The following SLC24A3 variants were observed in gnomAD, a reference collection of about 807,000 sequenced individuals.
SLC24A3 encodes solute carrier family 24 member 3.
SLC24A3 carries 28 observed loss-of-function variants against 75.8 expected under a neutral mutation model. The observed-to-expected ratio is 0.37, with a 90% CI of 0.27 to 0.51. The LOEUF is 0.51. SLC24A3 is among the 20% of genes least tolerant of loss of function. The pLI is 0.94. For missense variants in SLC24A3, 663 were observed against 847.8 expected (o/e 0.78, Z 2.71); for synonymous variants, 372 against 334.1 (o/e 1.11, Z -1.24).
intron 3 of SLC24A3, among the ~76,000 whole-genome samples, chr20:19,577,093 C>T (rs1252181275): frequency 6.6e-6 from 1 of 151,088 alleles, no homozygotes; most frequent in Non-Finnish European, 1.5e-5. Context: ...CTCACTCTGT[C>T]GCCGAGGCTG....
chr20:19,597,602 T>C (rs78029934), intron 6 of SLC24A3, among the ~76,000 whole-genome samples: 4,472 of 152,246 alleles, frequency 0.029, 197 homozygotes, highest in African/African-American at 0.1. Flanking sequence ...CTAGCTACTT[T>C]GAAATATACA....
At chr20:19,638,827 G>A (rs549755238) in intron 6 of SLC24A3, among the ~76,000 whole-genome samples, 1 of 152,262 alleles carries the variant, frequency 6.6e-6, no homozygotes, top group South Asian at 2.1e-4. Flanking sequence ...AAGTTGGCAC[G>A]TCTGGAGTTG....
At chr20:19,350,731 C>T (rs1346418299) in intron 2 of SLC24A3, among the ~76,000 whole-genome samples, 1 of 152,098 alleles carries the variant, frequency 6.6e-6, no homozygotes, top group African/African-American at 2.4e-5. Context: ...TTCATTTGTC[C>T]TTTGTTAGGA....
At chr20:19,706,389 G>T (rs1345537923) in intron 15 of SLC24A3, among the ~76,000 whole-genome samples, 2 of 152,178 alleles carry the variant, frequency 1.3e-5, no homozygotes, top group Non-Finnish European at 2.9e-5. Context: ...CTATACAGAA[G>T]TTTAGGTAGT....
intron 2 of SLC24A3, among the ~76,000 whole-genome samples, chr20:19,355,581 A>G (rs1479481120): frequency 6.6e-6 from 1 of 152,162 alleles, no homozygotes; most frequent in East Asian, 1.9e-4. Context: ...GCCCTTCTGG[A>G]ATGTGCAGGG....
intron 1 of SLC24A3, among the ~76,000 whole-genome samples, chr20:19,227,008 G>C (rs1427580069): frequency 2.2e-4 from 33 of 152,282 alleles, no homozygotes; most frequent in African/African-American, 7.9e-4. Flanking sequence ...TGGTATTTCA[G>C]CATCAAAAGG....
intron 2 of SLC24A3, among the ~76,000 whole-genome samples, chr20:19,511,897 A>T (rs1323143710): frequency 1.3e-5 from 2 of 152,176 alleles, no homozygotes; most frequent in Admixed American, 1.3e-4. Context: ...GCTATTGGCC[A>T]TCAAATAAGA....
At chr20:19,432,770 T>G (rs1456118285) in intron 2 of SLC24A3, among the ~76,000 whole-genome samples, 1 of 152,212 alleles carries the variant, frequency 6.6e-6, no homozygotes, top group Non-Finnish European at 1.5e-5. Flanking sequence ...CAGAAGCATC[T>G]TAAAACACTG....
intron 3 of SLC24A3, among the ~76,000 whole-genome samples, chr20:19,529,631 C>T (rs1175635698): frequency 3.9e-5 from 6 of 152,204 alleles, no homozygotes; most frequent in Non-Finnish European, 8.8e-5. Flanking sequence ...CTGGCCCTGA[C>T]TACCTCTCCC....
At chr20:19,576,821 AAT>A (rs1039612780) in intron 3 of SLC24A3, among the ~76,000 whole-genome samples, 4 of 152,102 alleles carry the variant, frequency 2.6e-5, no homozygotes, top group African/African-American at 9.7e-5. Flanking sequence ...CAGTGAGTTG[AAT>A]ATGTCAGCTA....
intron 15 of SLC24A3, among the ~76,000 whole-genome samples, chr20:19,702,579 A>T (rs1034449611): frequency 6.6e-6 from 1 of 151,744 alleles, no homozygotes; most frequent in African/African-American, 2.4e-5. Flanking sequence ...AAGGTGTGTC[A>T]TGTTGTGTTT....
At chr20:19,595,268 C>T (rs2031437462) in intron 6 of SLC24A3, among the ~76,000 whole-genome samples, 1 of 152,200 alleles carries the variant, frequency 6.6e-6, no homozygotes, top group Non-Finnish European at 1.5e-5. Flanking sequence ...CCCAAGAATG[C>T]AGCCCGTCTC....
chr20:19,433,466 A>G (rs773889471), intron 2 of SLC24A3, among the ~76,000 whole-genome samples: 2 of 152,238 alleles, frequency 1.3e-5, no homozygotes, highest in Non-Finnish European at 2.9e-5. Flanking sequence ...GCAGAGTATT[A>G]AACTTGCATC....
chr20:19,655,688 G>A (rs1362840973), intron 7 of SLC24A3, among the ~76,000 whole-genome samples: 2 of 152,140 alleles, frequency 1.3e-5, no homozygotes, highest in Non-Finnish European at 2.9e-5. Flanking sequence ...TGCCCTTTCT[G>A]TTTGAGCTGG....
At position 19,330,254 on chromosome 20, in the gene SLC24A3, A is replaced by G. The variant is rs553158923; in HGVS notation, c.271+49167A>G. 3.3e-5 allele frequency among the ~76,000 whole-genome samples: 5 copies of G among 151,828 alleles called. No individual in the cohort carries two copies. The East Asian group carries it at 9.7e-4, about 30-fold the overall frequency. On this transcript the variant is annotated intron_variant, in intron 2 of 16. Coordinates refer to ENST00000328041, the MANE Select transcript of SLC24A3 (RefSeq NM_020689.4). ...AATCGGTGGGTCTGGACCTGCTCAG[A>G]CTCCTCAGGGCTGGTTTCTCTTTGT...
intron 2 of SLC24A3, among the ~76,000 whole-genome samples, chr20:19,335,462 C>G (rs6514993): frequency 0.16 from 24,339 of 152,144 alleles, 4,158 homozygotes; most frequent in African/African-American, 0.41. Context: ...ACACAGAGAA[C>G]AGTAATTGCT....
chr20:19,622,839 T>A (rs2031821478), intron 6 of SLC24A3, among the ~76,000 whole-genome samples: 1 of 152,162 alleles, frequency 6.6e-6, no homozygotes, highest in African/African-American at 2.4e-5. Flanking sequence ...GGTGAGGGCT[T>A]CAAGGAACTT....
chr20:19,439,589 CTAA>C (rs1298918239), intron 2 of SLC24A3, among the ~76,000 whole-genome samples: 2 of 152,184 alleles, frequency 1.3e-5, no homozygotes, highest in Non-Finnish European at 1.5e-5. Context: ...AAAATGATTA[CTAA>C]TAATAGCCTG....
chr20:19,552,373 A>G (rs1177591132), intron 3 of SLC24A3, among the ~76,000 whole-genome samples: 1 of 152,214 alleles, frequency 6.6e-6, no homozygotes, highest in Admixed American at 6.5e-5. Context: ...CCGCCCAGCA[A>G]CTAGGGGAGA....
Sources: allele counts gnomAD v4.1 joint callset (sites outside exome capture counted in the v4.1 genomes callset), GRCh38; gene constraint gnomAD v4.1.1; transcripts MANE v1.5; gene names NCBI Gene and HGNC (gene_info 2026-07-23, HGNC 2026-07-21).